Variants in POLR3G observed in about 807,000 individuals in gnomAD.
POLR3G encodes RNA polymerase III subunit G.
POLR3G carries 28 observed loss-of-function variants against 30.1 expected under a neutral mutation model. The ratio of observed to expected loss-of-function variants is 0.93; its 90% CI spans 0.69 to 1.27. POLR3G has a LOEUF of 1.27. Among genes scored for constraint, POLR3G ranks in the 50% most tolerant of loss-of-function variants. POLR3G has a pLI of 0.00. For missense variants in POLR3G, 254 were observed against 264.6 expected, an observed-to-expected ratio of 0.96 and a Z score of 0.28; for synonymous variants, 79 against 82.5, an observed-to-expected ratio of 0.96 and a Z score of 0.23.
chr5:90,497,615 T>G, intron 4 of POLR3G, 41 bp from the exon 5 acceptor site: 1 of 1,570,890 alleles, frequency 6.4e-7, no homozygotes, highest in Non-Finnish European at 8.6e-7. Context: ...CACAAATTCC[T>G]AGAGGAAACT....
chr5:90,492,401 G>A (rs537057154), intron 3 of POLR3G, among the ~76,000 whole-genome samples: 43 of 152,286 alleles, frequency 2.8e-4, no homozygotes, highest in African/African-American at 1.0e-3. Context: ...TTAATTTGAT[G>A]TGTTTTGTAA....
chr5:90,475,231 T>C (rs1017441575), intron 1 of POLR3G, among the ~76,000 whole-genome samples: 4 of 152,176 alleles, frequency 2.6e-5, no homozygotes, highest in African/African-American at 9.7e-5. Context: ...TTACCTAGTC[T>C]CTACTCCTAG....
chr5:90,497,710 C>T lies in POLR3G; in HGVS notation c.355+4C>T, dbSNP rs1752057767. The T allele has an allele frequency of 6.2e-7, 1 of 1,602,778 alleles. No homozygotes were observed. The highest frequency in any genetic ancestry group is 1.3e-5 in the African/African-American group (1 of 74,378). Reference sequence around the variant, plus strand: ...CCAAGAAATAAATGTAAAAAAGGTACATTGACTAATATAATAGTAATTCAG... The same window carrying T: ...CCAAGAAATAAATGTAAAAAAGGTATATTGACTAATATAATAGTAATTCAG... On this transcript the variant is annotated splice_donor_region_variant and intron_variant, in intron 5 of 7. Coordinates refer to ENST00000651687, the MANE Select transcript of POLR3G (RefSeq NM_006467.3).
Position 90,495,308 on chromosome 5 carries a change from T to G in POLR3G, c.248-369T>G, listed in dbSNP as rs556885618. 2.3e-4 allele frequency among the ~76,000 whole-genome samples: 35 copies of G among 152,326 alleles called. No homozygotes were observed. In the South Asian group the frequency reaches 5.2e-3, roughly 23 times the overall value. ...TGTGATAGTGTTGCTTTCCAACTTGTGCTGCTGGAAAAGAGTTTGTGCCCT... is the reference window on the plus strand; with the variant it reads ...TGTGATAGTGTTGCTTTCCAACTTGGGCTGCTGGAAAAGAGTTTGTGCCCT... On this transcript the variant is annotated intron_variant, in intron 3 of 7. Transcript: ENST00000651687.
chr5:90,504,706 A>G (rs944022759), intron 6 of POLR3G, among the ~76,000 whole-genome samples: 2 of 152,224 alleles, frequency 1.3e-5, no homozygotes, highest in Non-Finnish European at 2.9e-5. Context: ...CCTATTAACT[A>G]TACAACTTAT....
At chr5:90,492,855 C>T (rs1461268109) in intron 3 of POLR3G, among the ~76,000 whole-genome samples, 3 of 105,566 alleles carry the variant, frequency 2.8e-5, no homozygotes, top group Non-Finnish European at 5.9e-5. Context: ...GGCAAGACTC[C>T]GCCTCAAAAA....
At chr5:90,510,713 A>G (rs1217214485) in intron 7 of POLR3G, among the ~76,000 whole-genome samples, 1 of 152,164 alleles carries the variant, frequency 6.6e-6, no homozygotes, top group Non-Finnish European at 1.5e-5. Context: ...CCAACTTTCC[A>G]GAGATGGGAA....
chr5:90,492,976 C>G (rs1487394585), intron 3 of POLR3G, among the ~76,000 whole-genome samples: 1 of 151,756 alleles, frequency 6.6e-6, no homozygotes, highest in Non-Finnish European at 1.5e-5. Flanking sequence ...ACTAGAAATG[C>G]ATTTATAATC....
intron 1 of POLR3G, among the ~76,000 whole-genome samples, chr5:90,475,380 T>G (rs1580187106): frequency 1.3e-5 from 2 of 152,210 alleles, no homozygotes; most frequent in African/African-American, 4.8e-5. Context: ...AGTATCTGTT[T>G]TCGTAACTGT....
chr5:90,485,536 A>G lies in POLR3G; in HGVS notation c.-32A>G. On this transcript the variant is annotated 5_prime_UTR_variant, in exon 2 of 8. Transcript: ENST00000651687. Reference sequence around the variant, plus strand: ...GTAATCATTAATAGTGCCTTTCAGAATTTGCCCACTCATCTGGTATAACTG... The same window carrying G: ...GTAATCATTAATAGTGCCTTTCAGAGTTTGCCCACTCATCTGGTATAACTG... 8 of 1,450,562 alleles carry G rather than the reference A, an allele frequency of 5.5e-6. No individual in the cohort carries two copies. The highest frequency in any genetic ancestry group is 6.7e-6 in the Non-Finnish European group (7 of 1,044,920). 89.9% of individuals were successfully genotyped at this position (1,450,562 alleles called of 1,614,324 possible).
intron 7 of POLR3G, among the ~76,000 whole-genome samples, chr5:90,511,323 G>A (rs1428613494): frequency 7.3e-6 from 1 of 137,060 alleles, no homozygotes; most frequent in East Asian, 2.0e-4. Flanking sequence ...AATTTTCTTG[G>A]TTGTCTCAAA....
At chr5:90,481,011 T>C (rs181177082) in intron 1 of POLR3G, among the ~76,000 whole-genome samples, 2 of 152,332 alleles carry the variant, frequency 1.3e-5, no homozygotes, top group East Asian at 3.9e-4. Flanking sequence ...ATATAGTTCC[T>C]GTATGAACTT....
chr5:90,488,335 AT>A (rs1281387741), intron 3 of POLR3G, among the ~76,000 whole-genome samples: 2 of 152,156 alleles, frequency 1.3e-5, no homozygotes, highest in African/African-American at 4.8e-5. Flanking sequence ...TTTCATTATA[AT>A]TTTATATGTT....
At chr5:90,490,433 T>C (rs1447044162) in intron 3 of POLR3G, among the ~76,000 whole-genome samples, 1 of 152,068 alleles carries the variant, frequency 6.6e-6, no homozygotes, top group East Asian at 1.9e-4. Context: ...GGTCTCGCTC[T>C]GTCACCCAGG....
chr5:90,501,140 C>G (rs560140944), intron 5 of POLR3G, among the ~76,000 whole-genome samples: 145 of 152,172 alleles, frequency 9.5e-4, no homozygotes, highest in Non-Finnish European at 1.6e-3. Context: ...AATCTTTATT[C>G]CAAAGATACT....
chr5:90,486,822 T>C (rs1751461734), intron 2 of POLR3G, among the ~76,000 whole-genome samples: 1 of 152,226 alleles, frequency 6.6e-6, no homozygotes, highest in Non-Finnish European at 1.5e-5. Context: ...TGTATGTTGC[T>C]CTCCTAGAAT....
At chr5:90,474,540 G>C (rs1750675517), upstream of POLR3G, 1 of 521,276 alleles carries the variant, frequency 1.9e-6, no homozygotes, top group South Asian at 2.4e-5. Context: ...TGCGCCACCA[G>C]CACGGGGGCG....
intron 5 of POLR3G, among the ~76,000 whole-genome samples, chr5:90,499,774 A>G (rs1752157476): frequency 6.6e-6 from 1 of 152,180 alleles, no homozygotes; most frequent in Non-Finnish European, 1.5e-5. Flanking sequence ...TTTTTTGCAC[A>G]TGTGTATTTA....
At chr5:90,482,016 A>T (rs1297607910) in intron 1 of POLR3G, among the ~76,000 whole-genome samples, 1 of 152,204 alleles carries the variant, frequency 6.6e-6, no homozygotes, top group African/African-American at 2.4e-5. Flanking sequence ...ACTTTTGTGC[A>T]TGTAAGTATA....
Sources: gnomAD v4.1 joint callset for allele counts (sites outside exome capture counted in the v4.1 genomes callset) on GRCh38, gnomAD v4.1.1 for gene constraint, MANE v1.5 for transcripts, NCBI Gene and HGNC (gene_info 2026-07-23, HGNC 2026-07-21) for gene names.